The following TANGO6 variants were observed in gnomAD, a reference collection of about 807,000 sequenced individuals.
TANGO6 encodes the protein transport and golgi organization 6 homolog.
In TANGO6, 90 loss-of-function variants were observed where a neutral mutation model predicts 114.2. The ratio of observed to expected loss-of-function variants is 0.79; its 90% CI spans 0.66 to 0.94. TANGO6 has a LOEUF of 0.94. Ranked by LOEUF, TANGO6 falls within the 40% of genes least tolerant of loss-of-function variation. TANGO6 has a pLI of 0.00. For missense variants in TANGO6, 1,274 were observed against 1,315.3 expected (o/e 0.97, Z 0.49); for synonymous variants, 477 against 509.8 (o/e 0.94, Z 0.87).
In TANGO6 at chr16:69,022,854, C is replaced by A. The variant is rs1202969042; in HGVS notation, c.2869C>A (p.Pro957Thr). The change falls in exon 16 of 18, where the codon CCT (proline) becomes ACT (threonine). Residue 957 changes from proline to threonine, a missense_variant. Pro to Thr is a conservative substitution (Grantham distance 38). Around this residue, in one of 5 missense-constraint regions of TANGO6, gnomAD observed 238 missense variants for 252.9 expected, o/e 0.94. Transcript: ENST00000261778. ...LGDMVSKYRE[P>T]LIHTFLRGVR... The stretch of plus-strand genomic sequence containing the variant: ...AGACATGGTCTCAAAGTACCGAGAA[C>A]CTTTGATCCATACCTTCCTGAGGGG... 48 of 1,588,274 alleles carry A rather than the reference C, an allele frequency of 3.0e-5. 1 individual carries two copies. The Admixed American group carries it at 8.7e-4, about 29-fold the overall frequency.
chr16:68,965,813 A>G (rs1963639628), intron 14 of TANGO6, among the ~76,000 whole-genome samples: 1 of 152,072 alleles, frequency 6.6e-6, no homozygotes, highest in South Asian at 2.1e-4. Context: ...TAACAATAAT[A>G]ATAATAAAAT....
intron 17 of TANGO6, among the ~76,000 whole-genome samples, chr16:69,065,632 T>C (rs537481085): frequency 6.6e-6 from 1 of 152,300 alleles, no homozygotes; most frequent in South Asian, 2.1e-4. Context: ...TAAAAGGTTT[T>C]TGAAAAGCTC....
intron 15 of TANGO6, among the ~76,000 whole-genome samples, chr16:68,976,489 AAG>A (rs1317838310): frequency 6.6e-6 from 1 of 152,222 alleles, no homozygotes; most frequent in East Asian, 1.9e-4. Context: ...GTTCATTCTG[AAG>A]AGAGAGGTTA....
chr16:69,064,769 A>G (rs760151965), intron 17 of TANGO6, among the ~76,000 whole-genome samples: 59 of 152,202 alleles, frequency 3.9e-4, no homozygotes, highest in Non-Finnish European at 6.9e-4. Context: ...AAATGAGATA[A>G]TGTGTGTCCA....
At chr16:69,051,107 A>T (rs186291316) in intron 17 of TANGO6, among the ~76,000 whole-genome samples, 1 of 151,862 alleles carries the variant, frequency 6.6e-6, no homozygotes, top group African/African-American at 2.4e-5. Context: ...GTAATTAAAT[A>T]TTATTTAAAA....
intron 14 of TANGO6, among the ~76,000 whole-genome samples, chr16:68,942,782 G>T (rs746368547): frequency 6.6e-6 from 1 of 152,154 alleles, no homozygotes; most frequent in African/African-American, 2.4e-5. Flanking sequence ...GCCTTTTTAA[G>T]GGGAGAAAAT....
chr16:69,024,900 C>T (rs922560746), intron 16 of TANGO6, among the ~76,000 whole-genome samples: 1 of 152,124 alleles, frequency 6.6e-6, no homozygotes, highest in Non-Finnish European at 1.5e-5. Flanking sequence ...CTCCACCTTC[C>T]AGGTTCAAGC....
chr16:69,016,125 C>T (rs764391200), intron 15 of TANGO6, among the ~76,000 whole-genome samples: 1 of 152,110 alleles, frequency 6.6e-6, no homozygotes, highest in African/African-American at 2.4e-5. Context: ...CTTTCTTCCC[C>T]GCTAGAAGTA....
chr16:69,073,578 G>T (rs1567570942), intron 17 of TANGO6, among the ~76,000 whole-genome samples: 1 of 152,228 alleles, frequency 6.6e-6, no homozygotes, highest in Non-Finnish European at 1.5e-5. Flanking sequence ...TAGCGGTGGA[G>T]AGTCATCCTC....
At chr16:68,903,569 G>C (rs1290556972) in intron 9 of TANGO6, among the ~76,000 whole-genome samples, 1 of 141,662 alleles carries the variant, frequency 7.1e-6, no homozygotes, top group Non-Finnish European at 1.5e-5. Context: ...AGTGAGCTGG[G>C]ATCGTACCAC....
chr16:68,974,885 G>GC (rs1963747956), intron 15 of TANGO6, among the ~76,000 whole-genome samples: 1 of 151,982 alleles, frequency 6.6e-6, no homozygotes, highest in African/African-American at 2.4e-5. Context: ...GGGTAACATG[G>GC]CAAAACCCCA....
At chr16:68,959,686 A>G (rs2152208537) in intron 14 of TANGO6, among the ~76,000 whole-genome samples, 1 of 152,322 alleles carries the variant, frequency 6.6e-6, no homozygotes, top group Admixed American at 6.5e-5. Flanking sequence ...CCCCAGACAC[A>G]GGGCACATCT....
At chr16:68,886,043 A>AT (rs572145382) in intron 7 of TANGO6, among the ~76,000 whole-genome samples, 2 of 152,098 alleles carry the variant, frequency 1.3e-5, no homozygotes, top group Non-Finnish European at 1.5e-5. Context: ...TCTGGCCAAA[A>AT]TTTTTTACCT....
At chr16:69,036,115 TTCA>T (rs755985564) in intron 16 of TANGO6, 4 of 151,594 alleles carry the variant, frequency 2.6e-5, no homozygotes, top group Non-Finnish European at 5.9e-5. Context: ...AATACACCAG[TTCA>T]TCATCTATCT....
chr16:69,038,095 C>G (rs546569848), intron 16 of TANGO6, among the ~76,000 whole-genome samples: 44 of 152,290 alleles, frequency 2.9e-4, no homozygotes, highest in African/African-American at 9.9e-4. Flanking sequence ...CCTTCCACTA[C>G]TGGCCAAGAA....
At chr16:68,879,775 C>G (rs1275124134) in intron 6 of TANGO6, among the ~76,000 whole-genome samples, 3 of 151,108 alleles carry the variant, frequency 2.0e-5, no homozygotes, top group Admixed American at 6.6e-5. Flanking sequence ...CGTCACCACG[C>G]CCAGCTAATT....
At chr16:68,872,714 G>A (rs1303534516) in intron 4 of TANGO6, among the ~76,000 whole-genome samples, 4 of 147,670 alleles carry the variant, frequency 2.7e-5, no homozygotes, top group Admixed American at 2.1e-4. Flanking sequence ...GAACGGTGGC[G>A]CGATCTCAGC....
At chr16:68,920,603 A>C (rs746288029) in intron 12 of TANGO6, among the ~76,000 whole-genome samples, 53 of 152,176 alleles carry the variant, frequency 3.5e-4, no homozygotes, top group Non-Finnish European at 6.5e-4. Context: ...CATAACCCTT[A>C]GCAATGAGTA....
intron 4 of TANGO6, among the ~76,000 whole-genome samples, chr16:68,869,960 G>A (rs572192317): frequency 6.6e-6 from 1 of 152,290 alleles, no homozygotes; most frequent in African/African-American, 2.4e-5. Flanking sequence ...GCCACCTCAG[G>A]GAGGCCTGAT....
Sources: allele counts gnomAD v4.1 joint callset (sites outside exome capture counted in the v4.1 genomes callset), GRCh38; gene constraint gnomAD v4.1.1; regional missense constraint gnomAD v4.1.1; transcripts MANE v1.5; gene names NCBI Gene and HGNC (gene_info 2026-07-23, HGNC 2026-07-21).